The following PCDH11Y variants were observed in gnomAD, a reference collection of about 807,000 sequenced individuals.
The protein encoded by PCDH11Y is protocadherin 11 Y-linked.
For synonymous variants in PCDH11Y, 9 were observed against 83.6 expected (o/e 0.11, Z 4.87); for missense variants, 12 against 224.8 (o/e 0.05, Z 6.05).
chrY:5,444,751 A>G (rs2053285955), intron 2 of PCDH11Y, among the ~76,000 whole-genome samples: 27 of 32,357 alleles, frequency 8.3e-4, no homozygotes, highest in African/African-American at 3.2e-3. Flanking sequence ...GTGCAGACCC[A>G]TTCATAGCAG....
chrY:5,107,845 G>A, downstream of PCDH11Y, among the ~76,000 whole-genome samples: 6 of 32,675 alleles, frequency 1.8e-4, no homozygotes, highest in Non-Finnish European at 3.8e-4. Context: ...GGATCACGAG[G>A]TCAGGAGATC....
intron 2 of PCDH11Y, among the ~76,000 whole-genome samples, chrY:5,312,570 A>AAT (rs2053102767): frequency 3.6e-5 from 1 of 28,141 alleles, no homozygotes; most frequent in East Asian, 8.6e-4. Context: ...ATATATAAGA[A>AAT]ATATATATAA....
chrY:5,407,394 A>G, intron 2 of PCDH11Y, among the ~76,000 whole-genome samples: 2 of 28,773 alleles, frequency 7.0e-5, no homozygotes, highest in Admixed American at 6.7e-4. Context: ...TGTCTTCTAC[A>G]GAAAATAAAG....
At chrY:5,408,641 G>C in intron 2 of PCDH11Y, among the ~76,000 whole-genome samples, 1 of 32,505 alleles carries the variant, frequency 3.1e-5, no homozygotes, top group Admixed American at 2.8e-4. Context: ...GGGTTTCACC[G>C]TGTTGGCCAG....
chrY:5,110,418 G>A, downstream of PCDH11Y, among the ~76,000 whole-genome samples: 3 of 31,722 alleles, frequency 9.5e-5, no homozygotes, highest in African/African-American at 3.7e-4. Context: ...CTCCAGCCTG[G>A]GTGACAGAGT....
intron 2 of PCDH11Y, among the ~76,000 whole-genome samples, chrY:5,384,589 G>C (rs1602916206): frequency 2.8e-4 from 8 of 28,319 alleles, no homozygotes; most frequent in South Asian, 2.5e-3. Flanking sequence ...TAACCTCATT[G>C]GGATTAAAAA....
chrY:5,030,726 C>T (rs2052588702), intron 1 of PCDH11Y, among the ~76,000 whole-genome samples: 1 of 32,792 alleles, frequency 3.0e-5, no homozygotes, highest in African/African-American at 1.2e-4. Flanking sequence ...AGAGCTACTT[C>T]TTTCATGAAC....
At chrY:5,304,320 C>T in intron 2 of PCDH11Y, among the ~76,000 whole-genome samples, 1 of 32,952 alleles carries the variant, frequency 3.0e-5, no homozygotes, top group Non-Finnish European at 7.4e-5. Flanking sequence ...ATGACTACTT[C>T]GAATAACAAT....
At position 5,275,481 on chromosome Y, in the gene PCDH11Y, T is replaced by G. The variant is rs1161885713; in HGVS notation, c.3129+174774T>G. On this transcript the variant is annotated intron_variant, in intron 2 of 4. Transcript: ENST00000400457. The stretch of plus-strand genomic sequence containing the variant: ...ACATCTCAATGTAATAAATATTTGT[T>G]GAAAGAACTGTATGGCATGATGCCC... Among the ~76,000 whole-genome samples the G allele has an allele frequency of 5.6e-4, 18 of 31,890 alleles. No homozygotes were observed. In the East Asian group the frequency reaches 0.014, roughly 25 times the overall value. 85.6% of individuals were successfully genotyped at this position (31,890 alleles called of 37,273 possible).
intron 2 of PCDH11Y, among the ~76,000 whole-genome samples, chrY:5,378,989 CA>C (rs2053202127): frequency 3.1e-5 from 1 of 32,278 alleles, no homozygotes; most frequent in Non-Finnish European, 7.5e-5. Context: ...AGGCTAAATA[CA>C]AATATAGCAC....
intron 3 of PCDH11Y, among the ~76,000 whole-genome samples, chrY:5,540,001 G>A (rs2053404893): frequency 3.1e-5 from 1 of 32,395 alleles, no homozygotes; most frequent in African/African-American, 1.2e-4. Flanking sequence ...GGTATTCTGT[G>A]GTGTTCAGTA....
chrY:5,469,188 T>C, intron 2 of PCDH11Y, among the ~76,000 whole-genome samples: 1 of 30,268 alleles, frequency 3.3e-5, no homozygotes, highest in South Asian at 7.7e-4. Context: ...GATATTGGAC[T>C]TCCCAGACTC....
At chrY:5,630,591 T>C in intron 4 of PCDH11Y, among the ~76,000 whole-genome samples, 1 of 33,371 alleles carries the variant, frequency 3.0e-5, no homozygotes, top group Admixed American at 2.8e-4. Context: ...GGAGAGTCAG[T>C]CTGAGTTTGA....
intron 2 of PCDH11Y, among the ~76,000 whole-genome samples, chrY:5,117,871 T>C (rs2052813113): frequency 3.2e-5 from 1 of 31,507 alleles, no homozygotes; most frequent in Non-Finnish European, 7.6e-5. Flanking sequence ...ATATTATATG[T>C]ATATATTTAT....
chrY:5,118,025 G>A (rs2124639778), intron 2 of PCDH11Y, among the ~76,000 whole-genome samples: 2 of 30,769 alleles, frequency 6.5e-5, no homozygotes, highest in South Asian at 6.7e-4. Flanking sequence ...ACATATACAC[G>A]TATATTATGT....
chrY:5,703,517 A>G (rs2053579940), intron 4 of PCDH11Y, among the ~76,000 whole-genome samples: 1 of 33,592 alleles, frequency 3.0e-5, no homozygotes, highest in Non-Finnish European at 7.4e-5. Flanking sequence ...TGGTGAAAAG[A>G]TCATCAGAAA....
At chrY:5,003,996 A>C (rs2052536277) in intron 1 of PCDH11Y, among the ~76,000 whole-genome samples, 1 of 33,293 alleles carries the variant, frequency 3.0e-5, no homozygotes, top group Admixed American at 2.7e-4. Flanking sequence ...CGCAGGTGAG[A>C]GATGTGGGCA....
chrY:5,513,176 A>G, intron 3 of PCDH11Y, among the ~76,000 whole-genome samples: 2 of 31,443 alleles, frequency 6.4e-5, no homozygotes, highest in Non-Finnish European at 1.5e-4. Flanking sequence ...GACTACAGGC[A>G]CTGGCCACCA....
At chrY:5,115,804 G>A (rs2052809002) in intron 2 of PCDH11Y, among the ~76,000 whole-genome samples, 2 of 21,269 alleles carry the variant, frequency 9.4e-5, no homozygotes, top group African/African-American at 1.9e-4. Context: ...GCAGTGGTGC[G>A]ATCTCGGCTC....
Sources: allele counts gnomAD v4.1 joint callset (sites outside exome capture counted in the v4.1 genomes callset), GRCh38; gene constraint gnomAD v4.1.1; transcripts MANE v1.5; gene names NCBI Gene and HGNC (gene_info 2026-07-23, HGNC 2026-07-21).